PGM5: variants seen among roughly 807,000 people sequenced by gnomAD.
The protein encoded by PGM5 is phosphoglucomutase 5.
In PGM5, 23 loss-of-function variants were observed where a neutral mutation model predicts 59.2. The ratio of observed to expected loss-of-function variants is 0.39; its 90% CI spans 0.28 to 0.55. PGM5 has a LOEUF of 0.55. Among genes scored for constraint, PGM5 ranks in the 20% least tolerant of loss-of-function variants. PGM5 has a pLI of 0.66. For missense variants in PGM5, 574 were observed against 748.3 expected (o/e 0.77, Z 2.72); for synonymous variants, 214 against 286.0 (o/e 0.75, Z 2.54).
chr9:68,484,577 C>A (rs147011285), intron 9 of PGM5, among the ~76,000 whole-genome samples: 34 of 111,310 alleles, frequency 3.1e-4, no homozygotes, highest in Middle Eastern at 4.5e-3. Flanking sequence ...CACACACACA[C>A]AAAACAAAAC....
intron 6 of PGM5, among the ~76,000 whole-genome samples, chr9:68,406,686 A>ATG (rs1822821802): frequency 2.2e-5 from 1 of 45,918 alleles, no homozygotes; most frequent in African/African-American, 9.0e-5. Flanking sequence ...ATGTATATAT[A>ATG]TATATATATA....
chr9:68,394,596 C>A (rs2132014866), intron 6 of PGM5, among the ~76,000 whole-genome samples: 1 of 151,586 alleles, frequency 6.6e-6, no homozygotes, highest in African/African-American at 2.4e-5. Flanking sequence ...TCAGTATGAT[C>A]TTAGTTTCAG....
intron 6 of PGM5, among the ~76,000 whole-genome samples, chr9:68,459,434 G>T (rs565616799): frequency 1.3e-5 from 2 of 152,172 alleles, no homozygotes; most frequent in African/African-American, 4.8e-5. Flanking sequence ...TTTTTGAATG[G>T]TACATAAATG....
At position 68,479,495 on chromosome 9, in the gene PGM5, A is replaced by G; in HGVS notation, c.1237A>G (p.Ser413Gly). 6.2e-7 allele frequency: 1 copy of G among 1,613,810 alleles called. No individual in the cohort carries two copies. Among genetic ancestry groups the G allele is most frequent in the Non-Finnish European group, 8.5e-7 (1 of 1,179,912 alleles). ...CTCCATTATTGCTGCCCGGAAGCAG[A>G]GTGTGGAGGAAATTGTCCGAGATCA... Reference protein sequence around the residue: ...WLSIIAARKQSVEEIVRDHWA... With the variant: ...WLSIIAARKQGVEEIVRDHWA... Residue 413 changes from serine (S) to glycine (G), a missense_variant, in exon 8 of 11, where the codon AGT becomes GGT. Physicochemically the swap from Ser to Gly is moderately conservative, Grantham distance 56. Transcript: ENST00000396396.
At chr9:68,444,913 C>A (rs1399347317) in intron 6 of PGM5, among the ~76,000 whole-genome samples, 1 of 152,176 alleles carries the variant, frequency 6.6e-6, no homozygotes, top group African/African-American at 2.4e-5. Flanking sequence ...AGACCTGGAC[C>A]AGAACTCCCA....
At chr9:68,493,676 G>T (rs1235092342) in intron 9 of PGM5, among the ~76,000 whole-genome samples, 1 of 152,202 alleles carries the variant, frequency 6.6e-6, no homozygotes, top group African/African-American at 2.4e-5. Flanking sequence ...GGAAACTAAG[G>T]CTTAGAGAGC....
chr9:68,388,860 G>T (rs1350531229), intron 4 of PGM5, among the ~76,000 whole-genome samples: 21 of 151,546 alleles, frequency 1.4e-4, no homozygotes, highest in Non-Finnish European at 2.9e-4. Flanking sequence ...TATCTTCAGT[G>T]TTCCTCTGTT....
chr9:68,358,843 A>G (rs1834520117), intron 1 of PGM5, among the ~76,000 whole-genome samples: 2 of 152,074 alleles, frequency 1.3e-5, no homozygotes. Flanking sequence ...ACTCCAGTAG[A>G]CAATGATGCT....
intron 1 of PGM5, among the ~76,000 whole-genome samples, chr9:68,376,769 C>A (rs1366250421): frequency 3.2e-5 from 1 of 31,614 alleles, no homozygotes. Context: ...TTCTGCATTT[C>A]TTTCTTTCTT....
chr9:68,512,062 A>T (rs1311705616), intron 10 of PGM5, among the ~76,000 whole-genome samples: 1 of 152,212 alleles, frequency 6.6e-6, no homozygotes, highest in Admixed American at 6.5e-5. Context: ...GAACAAATTC[A>T]CTGCCCTCCT....
At chr9:68,483,753 A>T (rs1379825063) in intron 8 of PGM5, 112 bp from the exon 9 acceptor site, 6 of 898,528 alleles carry the variant, frequency 6.7e-6, no homozygotes, top group Non-Finnish European at 1.0e-5. Flanking sequence ...TTGAAGGTGC[A>T]TTTCTGTGCT....
Position 68,375,641 on chromosome 9 carries a change from G to T in PGM5, c.262-2558G>T, listed in dbSNP as rs547795716. On this transcript the variant is annotated intron_variant, in intron 1 of 10. Transcript: ENST00000396396. ...TGCCAGATTTATTTTAAGTTCTTGG[G>T]ATATAGCAGTGAAAAAAAGTCCTTG... 5.3e-5 allele frequency among the ~76,000 whole-genome samples: 8 copies of T among 152,238 alleles called. No individual in the cohort carries two copies. In the South Asian group the frequency reaches 1.7e-3, roughly 32 times the overall value.
chr9:68,450,667 GA>G (rs1202631212), intron 6 of PGM5, among the ~76,000 whole-genome samples: 4 of 152,270 alleles, frequency 2.6e-5, no homozygotes, highest in South Asian at 2.1e-4. Context: ...CATGAGGGGG[GA>G]AAAATCCACT....
intron 6 of PGM5, among the ~76,000 whole-genome samples, chr9:68,460,080 G>T (rs1823834818): frequency 6.6e-6 from 1 of 152,122 alleles, no homozygotes; most frequent in South Asian, 2.1e-4. Context: ...GAGAGACCTG[G>T]ATCTTGTGCT....
At chr9:68,363,927 T>C (rs1163690305) in intron 1 of PGM5, among the ~76,000 whole-genome samples, 33 of 152,088 alleles carry the variant, frequency 2.2e-4, no homozygotes, top group Admixed American at 2.2e-3. Context: ...AAAGACCTTT[T>C]ACTGAAATAT....
chr9:68,395,164 G>A (rs1319539519), intron 6 of PGM5, among the ~76,000 whole-genome samples: 3 of 152,012 alleles, frequency 2.0e-5, no homozygotes, highest in Admixed American at 6.6e-5. Context: ...TTTGAGCACG[G>A]TATAAGGTAG....
chr9:68,431,370 G>A (rs1823344018), intron 6 of PGM5, among the ~76,000 whole-genome samples: 1 of 152,232 alleles, frequency 6.6e-6, no homozygotes, highest in Non-Finnish European at 1.5e-5. Flanking sequence ...AGACAAAGAA[G>A]AGAAGCTGAT....
At chr9:68,468,250 C>T (rs1823967653) in intron 7 of PGM5, among the ~76,000 whole-genome samples, 1 of 152,068 alleles carries the variant, frequency 6.6e-6, no homozygotes, top group South Asian at 2.1e-4. Context: ...CTCATCATTT[C>T]GCTCCCACTT....
chr9:68,479,670 C>T, intron 8 of PGM5, 117 bp downstream of exon 8: 3 of 1,015,644 alleles, frequency 3.0e-6, no homozygotes, highest in Non-Finnish European at 4.2e-6. Flanking sequence ...CGCGGTGGCT[C>T]ACGCCTGTAA....
Sources: allele counts gnomAD v4.1 joint callset (sites outside exome capture counted in the v4.1 genomes callset), GRCh38; gene constraint gnomAD v4.1.1; transcripts MANE v1.5; gene names NCBI Gene and HGNC (gene_info 2026-07-23, HGNC 2026-07-21).